PNKD: variants seen among roughly 807,000 people sequenced by gnomAD.
The protein encoded by PNKD is probable thioesterase PNKD.
PNKD carries 36 observed loss-of-function variants against 45.3 expected under a neutral mutation model. The ratio of observed to expected loss-of-function variants is 0.80; its 90% CI spans 0.61 to 1.05. The LOEUF is 1.05. Among genes scored for constraint, PNKD ranks in the 50% least tolerant of loss-of-function variants. PNKD has a pLI of 0.00. For synonymous variants in PNKD, 197 were observed against 210.1 expected, an observed-to-expected ratio of 0.94 and a Z score of 0.54; for missense variants, 511 against 506.6, an observed-to-expected ratio of 1.01 and a Z score of -0.08.
chr2:218,303,086 C>T (rs1189739302), intron 2 of PNKD, among the ~76,000 whole-genome samples: 1 of 152,084 alleles, frequency 6.6e-6, no homozygotes, highest in Non-Finnish European at 1.5e-5. Flanking sequence ...ATTACAGGTG[C>T]CCACCACCAT....
chr2:218,315,018 T>TTG lies in PNKD; in HGVS notation c.237-24764_237-24763insGT. On this transcript the variant is annotated intron_variant, in intron 2 of 9. Transcript: ENST00000273077. ...GTTTTCTTTCTTTCTTTCTTTTTCT[T>TTG]TCTTTCTTTCTTTCTTTCTTTTTCT... Among the ~76,000 whole-genome samples, 2 of 2,280 alleles carry TTG rather than the reference T, an allele frequency of 8.8e-4. 1 individual carries two copies. Among genetic ancestry groups the TTG allele is most frequent in the Non-Finnish European group, 2.8e-3 (2 of 714 alleles). 1.5% of individuals were successfully genotyped at this position (2,280 alleles called of 152,430 possible). A position where few individuals can be genotyped will look rare whatever the true frequency, so the allele number is the denominator to read the frequency against.
Position 218,340,103 on chromosome 2 carries a change from GCTGTGGCTGTGGACC to G in PNKD, c.430_444del (p.Val144_Pro148del). On this transcript the variant is annotated inframe_deletion, in exon 4 of 10. Transcript: ENST00000273077. This position sits in a 1 kb window ranked among gnomAD's most constrained non-coding sequence, Gnocchi z 4.2. Reference sequence around the variant, plus strand: ...CATCATCGACACCCAGGCCCAGCTGGCTGTGGCTGTGGACCCTTCAGACCCTCGGGCTGTGCAGGT... The same window carrying G: ...CATCATCGACACCCAGGCCCAGCTGGCTTCAGACCCTCGGGCTGTGCAGGT... 6.2e-7 allele frequency: 1 copy of G among 1,613,854 alleles called. No homozygotes were observed. Among genetic ancestry groups the G allele is most frequent in the Non-Finnish European group, 8.5e-7 (1 of 1,179,818 alleles).
At position 218,341,486 on chromosome 2, in the gene PNKD, G is replaced by C. The variant is rs1023035342; in HGVS notation, c.525-48G>C. The stretch of plus-strand genomic sequence containing the variant: ...ATGCTGTGGTAAAGAAGGGGGCTTA[G>C]GTACAGTTGCCCCTCGAAGCCCCCT... On this transcript the variant is annotated intron_variant, in intron 5 of 9. Transcript: ENST00000273077. 4 of 1,255,062 alleles carry C rather than the reference G, an allele frequency of 3.2e-6. No homozygotes were observed. In the African/African-American group the frequency reaches 4.4e-5, roughly 14 times the overall value. 77.7% of individuals were successfully genotyped at this position (1,255,062 alleles called of 1,614,324 possible).
At chr2:218,332,744 C>T (rs1694366608) in intron 2 of PNKD, among the ~76,000 whole-genome samples, 2 of 152,006 alleles carry the variant, frequency 1.3e-5, no homozygotes. Flanking sequence ...GACTCGGTAC[C>T]TCCTGCCCCT....
In PNKD at chr2:218,276,257, C is replaced by T. The variant is rs115102659; in HGVS notation, c.236+4708C>T. ...AAATTAAGACTGGTGATATATCCAG[C>T]AGAGAAAGCAGAGGCCATCCTGCAA... On this transcript the variant is annotated intron_variant, in intron 2 of 9. Coordinates refer to ENST00000273077, the MANE Select transcript of PNKD (RefSeq NM_015488.5). Among the ~76,000 whole-genome samples, 773 of 152,260 alleles carry T rather than the reference C, an allele frequency of 5.1e-3. 9 individuals carry two copies. Among genetic ancestry groups the T allele is most frequent in the African/African-American group, 0.017 (725 of 41,540 alleles).
chr2:218,277,416 T>A (rs762593876), intron 2 of PNKD: 1 of 1,614,130 alleles, frequency 6.2e-7, no homozygotes, highest in Admixed American at 1.7e-5. Context: ...ACCGCAGTGA[T>A]GATCATTGCA....
At chr2:218,277,578 C>T in intron 2 of PNKD, 1 of 1,612,626 alleles carries the variant, frequency 6.2e-7, no homozygotes, top group South Asian at 1.1e-5. Context: ...CCCAGGAACA[C>T]CCCACTCCCC....
intron 2 of PNKD, chr2:218,279,214 C>A: frequency 6.4e-7 from 1 of 1,553,340 alleles, no homozygotes; most frequent in Non-Finnish European, 8.8e-7. Flanking sequence ...CAGGGCCCAC[C>A]GCCACCCACA....
Position 218,344,454 on chromosome 2 carries a change from G to C in PNKD, c.869-1G>C. On this transcript the variant is annotated splice_acceptor_variant, in intron 8 of 9. Transcript: ENST00000273077. LOFTEE classifies it high-confidence loss of function. ...TGTCTCACCCTCATGGCTGTCGGTA[G>C]GTCATGAGTATGCAGAGGAGAACCT... 2.6e-6 allele frequency: 4 copies of C among 1,564,328 alleles called. No homozygotes were observed. The highest frequency in any genetic ancestry group is 3.5e-6 in the Non-Finnish European group (4 of 1,150,994).
At chr2:218,316,268 C>CTTTTT (rs397972881) in intron 2 of PNKD, among the ~76,000 whole-genome samples, 130 of 119,570 alleles carry the variant, frequency 1.1e-3, no homozygotes, top group Non-Finnish European at 1.4e-3. Context: ...TTCTTTCTTT[C>CTTTTT]TTTTTTTTTT....
intron 2 of PNKD, among the ~76,000 whole-genome samples, chr2:218,330,428 G>C (rs563237457): frequency 6.6e-6 from 1 of 152,164 alleles, no homozygotes; most frequent in South Asian, 2.1e-4. Flanking sequence ...TGCCTCCCAC[G>C]GGGCTGGAGG....
Position 218,343,559 on chromosome 2 carries a change from C to A in PNKD, c.841C>A (p.Leu281Ile). 3.7e-6 allele frequency: 6 copies of A among 1,613,464 alleles called. No individual in the cohort carries two copies. The highest frequency in any genetic ancestry group is 5.1e-6 in the Non-Finnish European group (6 of 1,179,724). The change falls in exon 8 of 10, where the codon CTA becomes ATA. Residue 281 changes from leucine to isoleucine, a missense_variant. Leu to Ile is a conservative substitution (Grantham distance 5). Coordinates refer to ENST00000273077, the MANE Select transcript of PNKD (RefSeq NM_015488.5). ...MLSSLDTVLG[L>I]GDDTLLWPGH... ...GAGCTCACTGGACACTGTGCTGGGG[C>A]TAGGGGATGACACCCTTCTGTGGCC... is the stretch of plus-strand genomic sequence containing the variant.
At chr2:218,319,371 CTTTTTTT>C (rs35553031) in intron 2 of PNKD, among the ~76,000 whole-genome samples, 1 of 80,202 alleles carries the variant, frequency 1.2e-5, no homozygotes, top group African/African-American at 4.9e-5. Context: ...TCTTGTTTGT[CTTTTTTT>C]TTTTTTTTTT....
intron 2 of PNKD, chr2:218,290,121 G>A (rs529111250): frequency 2.0e-5 from 3 of 152,316 alleles, no homozygotes; most frequent in African/African-American, 7.2e-5. Context: ...TTCCCAGACT[G>A]TTCTAAAGAA....
At chr2:218,299,930 A>C (rs1693230862) in intron 2 of PNKD, among the ~76,000 whole-genome samples, 1 of 149,130 alleles carries the variant, frequency 6.7e-6, no homozygotes, top group Non-Finnish European at 1.5e-5. Context: ...TAATTTTTGT[A>C]ATTTTTTGTA....
rs541664508 is a variant in PNKD, at chr2:218,276,607, C to A, written c.236+5058C>A. On this transcript the variant is annotated intron_variant, in intron 2 of 9. Coordinates refer to ENST00000273077, the MANE Select transcript of PNKD (RefSeq NM_015488.5). ...CCCCTTCGGCACTGTTCTCCCCCAG[C>A]TGAACAGAATAAAGGAAATAATTGG... is the stretch of plus-strand genomic sequence containing the variant. Among the ~76,000 whole-genome samples the A allele has an allele frequency of 3.9e-5, 6 of 151,910 alleles. No homozygotes were observed. In the East Asian group the frequency reaches 1.2e-3, roughly 30 times the overall value.
In PNKD at chr2:218,340,091, C is replaced by G. The variant is rs372675235; in HGVS notation, c.415C>G (p.Gln139Glu). 3.1e-6 allele frequency: 5 copies of G among 1,613,888 alleles called. No individual in the cohort carries two copies. The highest frequency in any genetic ancestry group is 4.2e-6 in the Non-Finnish European group (5 of 1,179,908). Residue 139 changes from glutamine to glutamate, a missense_variant, in exon 4 of 10, where the codon CAG (glutamine) becomes GAG (glutamate). Physicochemically the swap from Gln to Glu is conservative, Grantham distance 29. Coordinates refer to ENST00000273077, the MANE Select transcript of PNKD (RefSeq NM_015488.5). This position sits in a 1 kb window ranked among gnomAD's most constrained non-coding sequence, Gnocchi z 4.2. ...DNYSYLIIDT[Q>E]AQLAVAVDPS... is the part of the protein sequence containing the mutation. The stretch of plus-strand genomic sequence containing the variant: ...CTACAGCTACCTCATCATCGACACC[C>G]AGGCCCAGCTGGCTGTGGCTGTGGA...
chr2:218,313,087 C>A (rs756009290), intron 2 of PNKD, among the ~76,000 whole-genome samples: 2 of 149,866 alleles, frequency 1.3e-5, no homozygotes, highest in African/African-American at 4.9e-5. Context: ...TATTTAACTA[C>A]CAGGAAATTA....
At position 218,326,537 on chromosome 2, in the gene PNKD, T is replaced by A. The variant is rs1200020338; in HGVS notation, c.237-13246T>A. ...TCTATAAAGTGGGGTTGGGGATGCCTACCTCATAGGGCTCCTGTGAAGATC... is the reference window on the plus strand; with the variant it reads ...TCTATAAAGTGGGGTTGGGGATGCCAACCTCATAGGGCTCCTGTGAAGATC... On this transcript the variant is annotated intron_variant, in intron 2 of 9. Transcript: ENST00000273077. The surrounding 1 kb of genome is among the most constrained non-coding windows in gnomAD (Gnocchi z 4.1). Among the ~76,000 whole-genome samples, 1 of 152,152 alleles carries A rather than the reference T, an allele frequency of 6.6e-6. No homozygotes were observed. Among genetic ancestry groups the A allele is most frequent in the Non-Finnish European group, 1.5e-5 (1 of 68,038 alleles).
Sources: gnomAD v4.1 joint callset for allele counts (sites outside exome capture counted in the v4.1 genomes callset) on GRCh38, gnomAD v4.1.1 for gene constraint, Gnocchi (gnomAD v3.1) non-coding constraint, MANE v1.5 for transcripts, NCBI Gene and HGNC (gene_info 2026-07-23, HGNC 2026-07-21) for gene names.